The following PGK1 variants were observed in gnomAD, a reference collection of about 807,000 sequenced individuals.
PGK1 encodes PRP 2.
A neutral mutation model predicts 26.9 loss-of-function variants in PGK1; 3 were observed. That is an observed-to-expected ratio of 0.11 (90% CI 0.05 to 0.29). The LOEUF (loss-of-function observed/expected upper bound fraction) is 0.29. Among genes scored for constraint, PGK1 ranks in the 10% least tolerant of loss-of-function variants. The pLI is 1.00. For missense variants in PGK1, 270 were observed against 314.7 expected (o/e 0.86, Z 1.07); for synonymous variants, 125 against 115.3 (o/e 1.08, Z -0.54).
intron 6 of PGK1, among the ~76,000 whole-genome samples, chrX:78,118,814 A>C (rs1557247726): frequency 9.0e-6 from 1 of 110,951 alleles, no homozygotes; most frequent in South Asian, 3.8e-4. Flanking sequence ...CAAAGGACAC[A>C]AGATCTGGTA....
In PGK1 at chrX:78,118,180, A is replaced by G. The variant is rs1185116071; in HGVS notation, c.641+10A>G. On this transcript the variant is annotated intron_variant, in intron 6 of 10. Transcript: ENST00000373316. ...TGGCCATCCTGGGCGGGTATGAAGA[A>G]CTCTTTAAGATCATGCTTTAAGTAT... is the stretch of plus-strand genomic sequence containing the variant. The G allele has an allele frequency of 9.1e-6, 11 of 1,207,893 alleles. No homozygotes were observed. The highest frequency in any genetic ancestry group is 6.6e-5 in the Admixed American group (3 of 45,677).
At chrX:78,106,901 C>G (rs1454330549) in intron 1 of PGK1, among the ~76,000 whole-genome samples, 6 of 106,946 alleles carry the variant, frequency 5.6e-5, no homozygotes, top group African/African-American at 2.2e-4. Context: ...TTTTCTCCAA[C>G]TTGTAACTTG....
Position 78,127,020 on chromosome X carries a change from A to G in PGK1, c.*1190A>G, listed in dbSNP as rs2078386591. The G allele has an allele frequency of 8.9e-6, 1 of 112,712 alleles. No individual in the cohort carries two copies. Among genetic ancestry groups the G allele is most frequent in the South Asian group, 3.6e-4 (1 of 2,772 alleles). The allele number at this position is 112,712 out of a possible 1,213,427, so 9.3% of individuals were successfully genotyped here. A position where few individuals can be genotyped will look rare whatever the true frequency, so the allele number is the denominator to read the frequency against. On this transcript the variant is annotated 3_prime_UTR_variant, in exon 11 of 11. Transcript: ENST00000373316. ...AATTTGTACTTGATGCCCTCTAGGCAGGGTGTACAGCTAGCTGTTGCTCTG... is the reference window on the plus strand; with the variant it reads ...AATTTGTACTTGATGCCCTCTAGGCGGGGTGTACAGCTAGCTGTTGCTCTG...
chrX:78,118,611 A>T (rs2078338140), intron 6 of PGK1, among the ~76,000 whole-genome samples: 1 of 111,065 alleles, frequency 9.0e-6, no homozygotes, highest in South Asian at 3.8e-4. Context: ...TAAACAAACA[A>T]ACGAACGAAC....
At chrX:78,118,929 C>T (rs186411656) in intron 6 of PGK1, among the ~76,000 whole-genome samples, 1 of 111,650 alleles carries the variant, frequency 9.0e-6, no homozygotes, top group East Asian at 2.8e-4. Context: ...GAAGCCAGAG[C>T]GCAAGAAAGC....
chrX:78,116,600 C>G (rs1204516045), intron 4 of PGK1, among the ~76,000 whole-genome samples: 1 of 112,403 alleles, frequency 8.9e-6, no homozygotes, highest in Non-Finnish European at 1.9e-5. Context: ...CTGCCAGAGA[C>G]TCTCTGGTTT....
chrX:78,124,811 TG>T, intron 8 of PGK1, 62 bp from the exon 9 acceptor site: 2 of 969,797 alleles, frequency 2.1e-6, no homozygotes, highest in Non-Finnish European at 3.0e-6. Context: ...CTGGTCTTGG[TG>T]GAGGTGGTGT....
chrX:78,125,797 C>G lies in PGK1; in HGVS notation c.1221C>G (p.Val407=). The change falls in exon 11 of 11, where the codon GTC becomes GTG. Residue 407 remains valine (V), a synonymous_variant. Transcript: ENST00000373316. ...GTGCTCTCTCAAAAACAGGTAAAGT[C>G]CTTCCTGGGGTGGATGCTCTCAGCA... ...GASLELLEGK[V]LPGVDALSNI is the part of the protein sequence containing the mutation. 2 of 1,203,816 alleles carry G rather than the reference C, an allele frequency of 1.7e-6. No individual in the cohort carries two copies. The highest frequency in any genetic ancestry group is 2.3e-6 in the Non-Finnish European group (2 of 888,162).
chrX:78,113,232 A>G (rs1400932918), intron 2 of PGK1, among the ~76,000 whole-genome samples: 1 of 111,395 alleles, frequency 9.0e-6, no homozygotes, highest in African/African-American at 3.3e-5. Context: ...GGGGAGGTTG[A>G]AGCTGCAGTG....
At chrX:78,112,162 A>C (rs1374977456) in intron 2 of PGK1, among the ~76,000 whole-genome samples, 1 of 111,857 alleles carries the variant, frequency 8.9e-6, no homozygotes, top group Non-Finnish European at 1.9e-5. Context: ...GGGGAACAAA[A>C]ATGGGGAACA....
rs782675431 is a variant in PGK1, at chrX:78,104,290, G to T, written c.-51G>T. 2 of 963,143 alleles carry T rather than the reference G, an allele frequency of 2.1e-6. No individual in the cohort carries two copies. The highest frequency in any genetic ancestry group is 1.9e-5 in the African/African-American group (1 of 52,800). The allele number at this position is 963,143 out of a possible 1,213,427, so 79.4% of individuals were successfully genotyped here. A position where few individuals can be genotyped will look rare whatever the true frequency, so the allele number is the denominator to read the frequency against. ...CCTCCGGAGCGCACGTCGGCAGTCG[G>T]CTCCCTCGTTGACCGAATCACCGAC... On this transcript the variant is annotated 5_prime_UTR_variant, in exon 1 of 11. Transcript: ENST00000373316.
rs2078393665 is a variant in PGK1 at position 78,128,631 on chromosome X, C to CT, written c.*2804dup. 1 of 112,380 alleles carries CT rather than the reference C, an allele frequency of 8.9e-6. No individual in the cohort carries two copies. The highest frequency in any genetic ancestry group is 1.9e-5 in the Non-Finnish European group (1 of 53,266). 9.3% of individuals were successfully genotyped at this position (112,380 alleles called of 1,213,427 possible). ...TGGTAAAATATTGCAAAGGTGTATG[C>CT]TTTAAGTTGTAAATTCACCTTTAAC... On this transcript the variant is annotated 3_prime_UTR_variant, in exon 11 of 11. Coordinates refer to ENST00000373316, the MANE Select transcript of PGK1 (RefSeq NM_000291.4).
At chrX:78,104,477 C>A (rs2078258780) in intron 1 of PGK1, 72 bp downstream of exon 1, 2 of 790,748 alleles carry the variant, frequency 2.5e-6, no homozygotes, top group Non-Finnish European at 3.9e-6. Context: ...CCGACTTGTT[C>A]TCTCGTCTGC....
chrX:78,124,851 T>G, intron 8 of PGK1, 23 bp from the exon 9 acceptor site: 1 of 1,195,723 alleles, frequency 8.4e-7, no homozygotes, highest in Non-Finnish European at 1.1e-6. Flanking sequence ...TAGCTCATCT[T>G]CTCTTTCACC....
chrX:78,125,861 G>C lies in PGK1; in HGVS notation c.*31G>C. Reference sequence around the variant, plus strand: ...TCCTGCCTTTTAGTTCCTGTGCACAGCCCCTAAGTCAACTTAGCATTTTCT... The same window carrying C: ...TCCTGCCTTTTAGTTCCTGTGCACACCCCCTAAGTCAACTTAGCATTTTCT... On this transcript the variant is annotated 3_prime_UTR_variant, in exon 11 of 11. Coordinates refer to ENST00000373316, the MANE Select transcript of PGK1 (RefSeq NM_000291.4). 9.0e-7 allele frequency: 1 copy of C among 1,115,462 alleles called. No individual in the cohort carries two copies. The highest frequency in any genetic ancestry group is 1.2e-6 in the Non-Finnish European group (1 of 807,915). The allele number at this position is 1,115,462 out of a possible 1,213,427, so 91.9% of individuals were successfully genotyped here.
At chrX:78,121,564 C>T (rs1224780577) in intron 6 of PGK1, among the ~76,000 whole-genome samples, 1 of 112,412 alleles carries the variant, frequency 8.9e-6, no homozygotes, top group Non-Finnish European at 1.9e-5. Context: ...CATAGGGTTT[C>T]TCACTGGATA....
chrX:78,107,489 G>T (rs2078277667), intron 1 of PGK1, among the ~76,000 whole-genome samples: 2 of 111,802 alleles, frequency 1.8e-5, no homozygotes, highest in African/African-American at 3.3e-5. Context: ...GAATCACATG[G>T]TATATAACCT....
chrX:78,104,482 G>A (rs2149127758), intron 1 of PGK1, 77 bp downstream of exon 1: 1 of 794,027 alleles, frequency 1.3e-6, no homozygotes, highest in South Asian at 2.1e-5. Flanking sequence ...TTGTTCTCTC[G>A]TCTGCTCTAA....
At chrX:78,105,466 T>C (rs782072750) in intron 1 of PGK1, among the ~76,000 whole-genome samples, 2 of 111,646 alleles carry the variant, frequency 1.8e-5, no homozygotes, top group Non-Finnish European at 3.8e-5. Context: ...AAGTGGTTGA[T>C]TGATGGGTAG....
Sources: gnomAD v4.1 joint callset for allele counts (sites outside exome capture counted in the v4.1 genomes callset) on GRCh38, gnomAD v4.1.1 for gene constraint, MANE v1.5 for transcripts, NCBI Gene and HGNC (gene_info 2026-07-23, HGNC 2026-07-21) for gene names.